Variants in ING4 observed in about 807,000 individuals in gnomAD.
ING4 encodes inhibitor of growth family member 4, also known as inhibitor of growth protein 4.
A neutral mutation model predicts 33.1 loss-of-function variants in ING4; 28 were observed. The ratio of observed to expected loss-of-function variants is 0.85; its 90% CI spans 0.63 to 1.16. The LOEUF is 1.16. Ranked by LOEUF, ING4 falls within the 50% of genes most tolerant of loss-of-function variation. The pLI, the probability that ING4 is intolerant of heterozygous loss-of-function variation, is 0.00. For missense variants in ING4, 247 were observed against 314.7 expected (o/e 0.78, Z 1.63); for synonymous variants, 87 against 104.4 (o/e 0.83, Z 1.02).
At chr12:6,659,798 G>A (rs1366014176) in intron 1 of ING4, among the ~76,000 whole-genome samples, 4 of 148,636 alleles carry the variant, frequency 2.7e-5, no homozygotes, top group Non-Finnish European at 3.0e-5. Flanking sequence ...GGGCGACAGA[G>A]CGAGACTCTG....
Position 6,651,339 on chromosome 12 carries a change from T to A in ING4, c.692A>T (p.Lys231Met). Reference protein sequence around the residue: ...FHFACVGLTTKPRGKWFCPRC... With the variant: ...FHFACVGLTTMPRGKWFCPRC... The stretch of plus-strand genomic sequence containing the variant: ...TGCCACTTACCATTTCCCCCGAGGC[T>A]TGGTTGTCAGCCCCACACAGGCAAA... The change falls in exon 7 of 8, where the codon AAG becomes ATG. Residue 231 changes from lysine (K) to methionine (M), a missense_variant. Lys to Met is a moderately conservative substitution (Grantham distance 95). This residue lies in a region of ING4 where 38 missense variants were observed against 49.7 expected (regional missense o/e 0.77). Transcript: ENST00000341550. 2 of 1,614,128 alleles carry A rather than the reference T, an allele frequency of 1.2e-6. No individual in the cohort carries two copies. Among genetic ancestry groups the A allele is most frequent in the Non-Finnish European group, 1.7e-6 (2 of 1,180,032 alleles).
intron 1 of ING4, among the ~76,000 whole-genome samples, chr12:6,660,982 G>A (rs773585948): frequency 5.9e-5 from 9 of 152,072 alleles, no homozygotes; most frequent in South Asian, 4.1e-4. Context: ...TAGTAGAGAC[G>A]GGGTTTCACT....
intron 2 of ING4, 42 bp from the exon 3 acceptor site, chr12:6,653,438 G>A (rs1423133082): frequency 6.3e-7 from 1 of 1,575,672 alleles, no homozygotes; most frequent in East Asian, 2.2e-5. Context: ...GCCCCTGAGT[G>A]GCTAGGTGAA....
intron 5 of ING4, 114 bp downstream of exon 5, chr12:6,652,548 A>C: frequency 7.3e-7 from 1 of 1,371,596 alleles, no homozygotes; most frequent in Non-Finnish European, 1.0e-6. Flanking sequence ...CAAAATGATA[A>C]GAAGAGTTCT....
At chr12:6,662,507 C>T (rs1351590291) in intron 1 of ING4, among the ~76,000 whole-genome samples, 1 of 152,150 alleles carries the variant, frequency 6.6e-6, no homozygotes, top group Non-Finnish European at 1.5e-5. Flanking sequence ...AATGTAAGCG[C>T]ACAGAGCAAT....
rs895618910 is a variant in ING4 at position 6,651,100 on chromosome 12, T to C, written c.*95A>G. On this transcript the variant is annotated 3_prime_UTR_variant, in exon 8 of 8. Transcript: ENST00000341550. Reference sequence around the variant, plus strand: ...ATGACAGCACTGTGCCATCCACTCCTCCCTGAACCCCTGGCCCCAGCACAG... The same window carrying C: ...ATGACAGCACTGTGCCATCCACTCCCCCCTGAACCCCTGGCCCCAGCACAG... The C allele has an allele frequency of 2.2e-6, 3 of 1,385,430 alleles. No individual in the cohort carries two copies. Among genetic ancestry groups the C allele is most frequent in the Non-Finnish European group, 2.0e-6 (2 of 977,516 alleles). 85.8% of individuals were successfully genotyped at this position (1,385,430 alleles called of 1,614,324 possible). A position where few individuals can be genotyped will look rare whatever the true frequency, so the allele number is the denominator to read the frequency against.
intron 1 of ING4, among the ~76,000 whole-genome samples, chr12:6,661,318 G>T (rs1313389705): frequency 6.6e-6 from 1 of 151,064 alleles, no homozygotes; most frequent in Non-Finnish European, 1.5e-5. Flanking sequence ...GGCTGGTCTC[G>T]ATCTCCTGAC....
intron 2 of ING4, chr12:6,655,873 A>G (rs1398911162): frequency 2.2e-6 from 1 of 456,322 alleles, no homozygotes; most frequent in Non-Finnish European, 4.4e-6. Flanking sequence ...ATGCAGCCAA[A>G]TTTGCTCAAT....
chr12:6,662,803 T>C (rs1209998288), intron 1 of ING4, among the ~76,000 whole-genome samples: 1 of 152,062 alleles, frequency 6.6e-6, no homozygotes, highest in Admixed American at 6.6e-5. Context: ...GGGCAGCAAC[T>C]ATCTTCCTGG....
intron 1 of ING4, among the ~76,000 whole-genome samples, chr12:6,661,448 TTC>T (rs1010236173): frequency 7.2e-6 from 1 of 138,996 alleles, no homozygotes; most frequent in African/African-American, 2.8e-5. Flanking sequence ...CACGGAGTCT[TTC>T]TCTGTCACCC....
At chr12:6,661,006 T>C (rs1949529487) in intron 1 of ING4, among the ~76,000 whole-genome samples, 1 of 152,148 alleles carries the variant, frequency 6.6e-6, no homozygotes, top group Non-Finnish European at 1.5e-5. Flanking sequence ...TTAGCCAGGC[T>C]GGTCTTGGAA....
intron 2 of ING4, chr12:6,656,421 C>T (rs780687768): frequency 3.9e-6 from 1 of 259,464 alleles, no homozygotes; most frequent in Non-Finnish European, 7.3e-6. Context: ...GTTACCTGCC[C>T]GCCTAGGCCT....
chr12:6,652,438 G>C lies in ING4; in HGVS notation c.498-20C>G, dbSNP rs1162726455. On this transcript the variant is annotated intron_variant, in intron 5 of 7. Transcript: ENST00000341550. ...GGACTTCTGCATGCCAAGAGGAAGA[G>C]AAAGTGTCATCTACAGGAAGGGAAG... The C allele has an allele frequency of 6.2e-7, 1 of 1,612,376 alleles. No individual in the cohort carries two copies. Among genetic ancestry groups the C allele is most frequent in the Non-Finnish European group, 8.5e-7 (1 of 1,178,836 alleles).
intron 2 of ING4, among the ~76,000 whole-genome samples, chr12:6,653,779 CA>C (rs1395468949): frequency 6.6e-6 from 1 of 152,226 alleles, no homozygotes; most frequent in Non-Finnish European, 1.5e-5. Flanking sequence ...CATCCCACAG[CA>C]GTTGTCTGCC....
chr12:6,652,669 C>G lies in ING4; in HGVS notation c.490G>C (p.Val164Leu). 2 of 1,613,750 alleles carry G rather than the reference C, an allele frequency of 1.2e-6. No homozygotes were observed. The highest frequency in any genetic ancestry group is 1.7e-6 in the Non-Finnish European group (2 of 1,179,894). Reference protein sequence around the residue: ...PKTAQKKLKLVRTSPEYGMPS... With the variant: ...PKTAQKKLKLLRTSPEYGMPS... The stretch of plus-strand genomic sequence containing the variant: ...GCTCCCTGAATCACTCACGTGCGCA[C>G]GAGCTTTAACTTCTTCTGGGCAGTC... The change falls in exon 5 of 8, where the codon GTG becomes CTG. Residue 164 changes from valine to leucine, a missense_variant. Physicochemically the swap from Val to Leu is conservative, Grantham distance 32 (BLOSUM62 1). Transcript: ENST00000341550.
chr12:6,653,418 G>C (rs773376339), intron 2 of ING4, 22 bp from the exon 3 acceptor site: 2 of 1,607,768 alleles, frequency 1.2e-6, no homozygotes, highest in African/African-American at 1.3e-5. Context: ...ACAGAGGCCT[G>C]GTCACAATGG....
At chr12:6,661,407 T>TC (rs1491243454) in intron 1 of ING4, among the ~76,000 whole-genome samples, 5 of 108,452 alleles carry the variant, frequency 4.6e-5, no homozygotes, top group African/African-American at 2.4e-4. Context: ...CCAGCCTTTG[T>TC]TTTTTTTTTT....
intron 1 of ING4, among the ~76,000 whole-genome samples, chr12:6,662,806 C>A (rs1195557345): frequency 6.6e-6 from 1 of 152,130 alleles, no homozygotes; most frequent in African/African-American, 2.4e-5. Context: ...CAGCAACTAT[C>A]TTCCTGGCCA....
At chr12:6,658,226 C>G (rs888133012) in intron 1 of ING4, among the ~76,000 whole-genome samples, 1 of 151,730 alleles carries the variant, frequency 6.6e-6, no homozygotes, top group Non-Finnish European at 1.5e-5. Context: ...TCCCAAAGTG[C>G]TGGGATTACT....
Sources: allele counts gnomAD v4.1 joint callset (sites outside exome capture counted in the v4.1 genomes callset), GRCh38; gene constraint gnomAD v4.1.1; regional missense constraint gnomAD v4.1.1; transcripts MANE v1.5; gene names NCBI Gene and HGNC (gene_info 2026-07-23, HGNC 2026-07-21).